WWOX: variants seen among roughly 807,000 people sequenced by gnomAD.
WWOX encodes WW domain containing oxidoreductase.
WWOX carries 69 observed loss-of-function variants against 46.2 expected under a neutral mutation model. That is an observed-to-expected ratio of 1.49 (90% CI 1.23 to 1.82). The LOEUF (loss-of-function observed/expected upper bound fraction) is 1.82. Ranked by LOEUF, WWOX falls within the 40% of genes most tolerant of loss-of-function variation. The probability of loss-of-function intolerance (pLI) is 0.00; values close to 1 mark genes in which losing one functional copy is unlikely to be tolerated. For synonymous variants in WWOX, 359 were observed against 202.6 expected (o/e 1.77, Z -6.56); for missense variants, 919 against 542.6 (o/e 1.69, Z -6.89).
intron 8 of WWOX, among the ~76,000 whole-genome samples, chr16:78,646,257 C>G (rs1266057955): frequency 6.6e-6 from 1 of 152,066 alleles, no homozygotes; most frequent in Non-Finnish European, 1.5e-5. Flanking sequence ...TGGGCTCCAT[C>G]AATCCTCTTG....
chr16:79,017,192 A>T (rs1227205345), intron 8 of WWOX: 1 of 152,184 alleles, frequency 6.6e-6, no homozygotes, highest in South Asian at 2.1e-4. Flanking sequence ...GCACTTTGGG[A>T]GGCCAAGGCG....
intron 8 of WWOX, among the ~76,000 whole-genome samples, chr16:78,700,842 G>A (rs1341460343): frequency 6.6e-6 from 1 of 152,176 alleles, no homozygotes; most frequent in Non-Finnish European, 1.5e-5. Flanking sequence ...GAAGAAAGCT[G>A]AATAGCACAA....
At chr16:78,190,907 GT>G (rs1256423771) in intron 5 of WWOX, among the ~76,000 whole-genome samples, 1 of 152,026 alleles carries the variant, frequency 6.6e-6, no homozygotes, top group Non-Finnish European at 1.5e-5. Context: ...CCCATTTGTT[GT>G]TTTTTTGGGA....
At chr16:79,093,499 T>G (rs1234983582) in intron 8 of WWOX, among the ~76,000 whole-genome samples, 1 of 152,176 alleles carries the variant, frequency 6.6e-6, no homozygotes, top group Non-Finnish European at 1.5e-5. Context: ...ATGATTTTTT[T>G]TTCTTTTATT....
intron 8 of WWOX, among the ~76,000 whole-genome samples, chr16:78,772,621 T>C (rs914483790): frequency 7.2e-5 from 11 of 152,230 alleles, no homozygotes; most frequent in African/African-American, 2.2e-4. Flanking sequence ...GTGGTGATTG[T>C]TATTACCAGC....
chr16:79,092,879 A>G (rs1303174213), intron 8 of WWOX, among the ~76,000 whole-genome samples: 2 of 152,134 alleles, frequency 1.3e-5, no homozygotes, highest in African/African-American at 4.8e-5. Flanking sequence ...ATAGGAGTGG[A>G]GTTTGGATTT....
intron 8 of WWOX, chr16:79,089,979 G>C (rs566927251): frequency 6.6e-6 from 1 of 151,510 alleles, no homozygotes; most frequent in Admixed American, 6.6e-5. Flanking sequence ...AAAAAGGGGG[G>C]GCCGGCGAGC....
intron 8 of WWOX, among the ~76,000 whole-genome samples, chr16:78,478,233 C>A (rs4887963): frequency 6.6e-6 from 1 of 152,134 alleles, no homozygotes; most frequent in Non-Finnish European, 1.5e-5. Flanking sequence ...AAGGCTGTTA[C>A]AAAATACTGT....
intron 5 of WWOX, among the ~76,000 whole-genome samples, chr16:78,380,912 A>G (rs1041839933): frequency 6.6e-6 from 1 of 152,240 alleles, no homozygotes; most frequent in Non-Finnish European, 1.5e-5. Context: ...TGATAATAGC[A>G]TATATTGAGA....
intron 8 of WWOX, among the ~76,000 whole-genome samples, chr16:78,948,965 G>A (rs182512083): frequency 6.6e-5 from 10 of 152,248 alleles, no homozygotes; most frequent in Admixed American, 4.6e-4. Context: ...AGGATTTCAC[G>A]TACTGCCACT....
intron 8 of WWOX, among the ~76,000 whole-genome samples, chr16:79,176,639 C>T (rs558303867): frequency 6.6e-6 from 1 of 152,250 alleles, no homozygotes; most frequent in Non-Finnish European, 1.5e-5. Flanking sequence ...TGTCATTAAA[C>T]TTTGAATCTA....
chr16:78,572,603 A>C (rs1204228427), intron 8 of WWOX, among the ~76,000 whole-genome samples: 1 of 54,592 alleles, frequency 1.8e-5, no homozygotes, highest in Non-Finnish European at 3.5e-5. Flanking sequence ...ACTCTGTCTC[A>C]AAAAAAAAAA....
At chr16:78,915,897 A>T (rs2045239604) in intron 8 of WWOX, among the ~76,000 whole-genome samples, 1 of 152,226 alleles carries the variant, frequency 6.6e-6, no homozygotes, top group East Asian at 1.9e-4. Flanking sequence ...AAGAAGCCTG[A>T]ATTTTAATTT....
At chr16:78,753,820 A>T (rs1567537407) in intron 8 of WWOX, among the ~76,000 whole-genome samples, 1 of 76,508 alleles carries the variant, frequency 1.3e-5, no homozygotes, top group Non-Finnish European at 2.7e-5. Context: ...AAAAAAAAAA[A>T]AAAAAATATA....
intron 8 of WWOX, among the ~76,000 whole-genome samples, chr16:78,801,188 C>G (rs747669730): frequency 4.0e-5 from 6 of 151,824 alleles, no homozygotes; most frequent in Non-Finnish European, 8.8e-5. Flanking sequence ...TGGTTTCTAC[C>G]TCATTAAAAC....
At chr16:78,506,746 G>GACA (rs1392708657) in intron 8 of WWOX, among the ~76,000 whole-genome samples, 2 of 116,452 alleles carry the variant, frequency 1.7e-5, no homozygotes, top group African/African-American at 7.1e-5. Context: ...GTCTTGCTCT[G>GACA]TTGTCCAGGC....
chr16:78,586,035 C>CA (rs1310442669), intron 8 of WWOX, among the ~76,000 whole-genome samples: 2 of 151,280 alleles, frequency 1.3e-5, no homozygotes, highest in African/African-American at 2.4e-5. Flanking sequence ...TCATCTCTAC[C>CA]AAAAAACAAC....
At chr16:78,688,906 A>G (rs1043206925) in intron 8 of WWOX, among the ~76,000 whole-genome samples, 1 of 152,112 alleles carries the variant, frequency 6.6e-6, no homozygotes, top group South Asian at 2.1e-4. Context: ...TGATGGTTTT[A>G]TACGATGCTT....
intron 8 of WWOX, among the ~76,000 whole-genome samples, chr16:78,871,153 T>A (rs1232289474): frequency 6.7e-6 from 1 of 150,206 alleles, no homozygotes; most frequent in East Asian, 2.0e-4. Context: ...ATATAGTAAT[T>A]CCCAACTTTC....
Sources: allele counts gnomAD v4.1 joint callset (sites outside exome capture counted in the v4.1 genomes callset), GRCh38; gene constraint gnomAD v4.1.1; transcripts MANE v1.5; gene names NCBI Gene and HGNC (gene_info 2026-07-23, HGNC 2026-07-21).